PHACTR1: variants seen among roughly 807,000 people sequenced by gnomAD.
PHACTR1 encodes the protein phosphatase and actin regulator 1.
PHACTR1 carries 16 observed loss-of-function variants against 69.2 expected under a neutral mutation model. That is an observed-to-expected ratio of 0.23 (90% CI 0.16 to 0.35). The LOEUF is 0.35. PHACTR1 is among the 10% of genes least tolerant of loss of function. The pLI is 1.00. For missense variants in PHACTR1, 510 were observed against 734.7 expected, an observed-to-expected ratio of 0.69 and a Z score of 3.54; for synonymous variants, 312 against 284.5, an observed-to-expected ratio of 1.10 and a Z score of -0.97.
chr6:13,000,534 T>C (rs755329678), intron 4 of PHACTR1, among the ~76,000 whole-genome samples: 2 of 142,604 alleles, frequency 1.4e-5, no homozygotes, highest in African/African-American at 5.3e-5. Context: ...AGCGACAGAG[T>C]CTCCAAAAAA....
At chr6:13,276,074 A>G (rs1219604497) in intron 11 of PHACTR1, 1 of 151,516 alleles carries the variant, frequency 6.6e-6, no homozygotes. Context: ...ATACTGAGCT[A>G]TTAATGGCTG....
chr6:12,769,674 A>G (rs1241885808), intron 4 of PHACTR1, among the ~76,000 whole-genome samples: 1 of 152,244 alleles, frequency 6.6e-6, no homozygotes, highest in Non-Finnish European at 1.5e-5. Flanking sequence ...TCACTGGCCC[A>G]GTCAGCCCAG....
chr6:13,168,115 A>G (rs1583686578), intron 6 of PHACTR1, among the ~76,000 whole-genome samples: 1 of 152,340 alleles, frequency 6.6e-6, no homozygotes, highest in African/African-American at 2.4e-5. Context: ...TCACCTAGAA[A>G]TGGCATTTTC....
At chr6:13,182,449 G>A (rs559349120) in intron 6 of PHACTR1, 70 bp from the exon 7 acceptor site, 14 of 1,521,070 alleles carry the variant, frequency 9.2e-6, no homozygotes, top group Middle Eastern at 1.7e-4. Context: ...GACTCAGCAG[G>A]CGGGAAGTGC....
intron 4 of PHACTR1, among the ~76,000 whole-genome samples, chr6:12,858,814 A>G (rs999156351): frequency 2.0e-5 from 3 of 151,896 alleles, no homozygotes; most frequent in African/African-American, 4.8e-5. Flanking sequence ...ACATACACAC[A>G]CACACACACA....
At chr6:13,278,032 T>G in intron 11 of PHACTR1, 3 of 317,862 alleles carry the variant, frequency 9.4e-6, no homozygotes, top group East Asian at 6.0e-5. Context: ...AAACCCCATG[T>G]GATGTAAAGA....
intron 4 of PHACTR1, among the ~76,000 whole-genome samples, chr6:12,912,769 A>G (rs1786555055): frequency 6.6e-6 from 1 of 152,168 alleles, no homozygotes; most frequent in South Asian, 2.1e-4. Flanking sequence ...CCAGGGCAAT[A>G]TGGCAAAACC....
chr6:12,735,888 C>T (rs565819875), intron 3 of PHACTR1, among the ~76,000 whole-genome samples: 2 of 152,152 alleles, frequency 1.3e-5, no homozygotes, highest in African/African-American at 4.8e-5. Context: ...CAGAGGAACA[C>T]AGTAGAGCTG....
At chr6:12,929,535 A>G (rs1349899994) in intron 4 of PHACTR1, among the ~76,000 whole-genome samples, 1 of 152,214 alleles carries the variant, frequency 6.6e-6, no homozygotes, top group Non-Finnish European at 1.5e-5. Flanking sequence ...TATTGGAAGA[A>G]CTTGAAGGAC....
At chr6:12,980,674 A>C (rs2127592906) in intron 4 of PHACTR1, among the ~76,000 whole-genome samples, 1 of 152,226 alleles carries the variant, frequency 6.6e-6, no homozygotes, top group Admixed American at 6.5e-5. Flanking sequence ...AAAAAAGTCT[A>C]CGAAAACTAT....
chr6:12,994,152 C>A (rs1582873844), intron 4 of PHACTR1, among the ~76,000 whole-genome samples: 1 of 152,060 alleles, frequency 6.6e-6, no homozygotes, highest in Admixed American at 6.5e-5. Context: ...TTAAATAGCA[C>A]AGTGGACACA....
In PHACTR1 at chr6:13,160,286, T is replaced by G. The variant is rs753794083; in HGVS notation, c.496+2T>G. 6.2e-7 allele frequency: 1 copy of G among 1,612,466 alleles called. No homozygotes were observed. On this transcript the variant is annotated splice_donor_variant, in intron 6 of 14. Coordinates refer to ENST00000332995, the MANE Select transcript of PHACTR1 (RefSeq NM_030948.6). LOFTEE classifies it high-confidence loss of function. The stretch of plus-strand genomic sequence containing the variant: ...TCCTGAAGGAAATCTATGATAAAGG[T>G]AAGGAGGATTGGTCTGTCATCCCCG...
At position 12,988,730 on chromosome 6, in the gene PHACTR1, T is replaced by C. The variant is rs574953899; in HGVS notation, c.251-64635T>C. Among the ~76,000 whole-genome samples the C allele has an allele frequency of 1.7e-4, 26 of 152,306 alleles. No homozygotes were observed. The South Asian group carries it at 5.4e-3, about 32-fold the overall frequency. The stretch of plus-strand genomic sequence containing the variant: ...GAAAAACACTGGTTGGCCAAGACAG[T>C]CATGTTCGAATTTCAGCACCACCCT... On this transcript the variant is annotated intron_variant, in intron 4 of 14. Transcript: ENST00000332995.
intron 4 of PHACTR1, among the ~76,000 whole-genome samples, chr6:13,017,025 A>G (rs1800275810): frequency 6.6e-6 from 1 of 152,078 alleles, no homozygotes; most frequent in Non-Finnish European, 1.5e-5. Flanking sequence ...TGTCTCTACT[A>G]AAAATACAAA....
intron 5 of PHACTR1, among the ~76,000 whole-genome samples, chr6:13,101,900 C>A (rs995485680): frequency 6.6e-6 from 1 of 152,118 alleles, no homozygotes; most frequent in African/African-American, 2.4e-5. Flanking sequence ...ATGGAGGGAG[C>A]CTCGTGGGTA....
At chr6:12,788,448 C>T (rs545681185) in intron 4 of PHACTR1, among the ~76,000 whole-genome samples, 47 of 151,964 alleles carry the variant, frequency 3.1e-4, no homozygotes, top group Non-Finnish European at 4.1e-4. Flanking sequence ...TGGAGAGGAA[C>T]GAAATATAAT....
chr6:12,940,376 A>G (rs190447726), intron 4 of PHACTR1, among the ~76,000 whole-genome samples: 1 of 152,324 alleles, frequency 6.6e-6, no homozygotes, highest in Admixed American at 6.5e-5. Flanking sequence ...GTTTTAACTC[A>G]TGAGAGCCTG....
chr6:12,856,402 C>T (rs550113515), intron 4 of PHACTR1, among the ~76,000 whole-genome samples: 83 of 151,942 alleles, frequency 5.5e-4, no homozygotes, highest in Non-Finnish European at 1.0e-3. Context: ...TACAGGCACC[C>T]GCCACCACGC....
At chr6:13,244,095 A>G (rs1343819433) in intron 10 of PHACTR1, among the ~76,000 whole-genome samples, 7 of 152,164 alleles carry the variant, frequency 4.6e-5, no homozygotes. Flanking sequence ...AAAGGGACAG[A>G]GTACAAAAGA....
Sources: gnomAD v4.1 joint callset for allele counts (sites outside exome capture counted in the v4.1 genomes callset) on GRCh38, gnomAD v4.1.1 for gene constraint, MANE v1.5 for transcripts, NCBI Gene and HGNC (gene_info 2026-07-23, HGNC 2026-07-21) for gene names.